The following CELF4 variants were observed in gnomAD, a reference collection of about 807,000 sequenced individuals.
The protein encoded by CELF4 is CUGBP Elav-like family member 4.
In CELF4, 18 loss-of-function variants were observed where a neutral mutation model predicts 59.9. The observed-to-expected ratio is 0.30, with a 90% CI of 0.21 to 0.45. CELF4 has a LOEUF of 0.45. Among genes scored for constraint, CELF4 ranks in the 20% least tolerant of loss-of-function variants. The pLI is 1.00. For synonymous variants in CELF4, 261 were observed against 267.1 expected, an observed-to-expected ratio of 0.98 and a Z score of 0.22; for missense variants, 456 against 689.0, an observed-to-expected ratio of 0.66 and a Z score of 3.79.
At chr18:37,556,473 A>G (rs1448730022) in intron 1 of CELF4, among the ~76,000 whole-genome samples, 1 of 152,134 alleles carries the variant, frequency 6.6e-6, no homozygotes, top group African/African-American at 2.4e-5. Context: ...GTGGCCCTTT[A>G]ACTTTTAGAG....
intron 2 of CELF4, among the ~76,000 whole-genome samples, chr18:37,373,756 T>A (rs1426776180): frequency 6.6e-6 from 1 of 152,190 alleles, no homozygotes; most frequent in South Asian, 2.1e-4. Context: ...AGGGAGGCTG[T>A]CCAGGCAGGG....
rs1484684635 is a variant in CELF4, at chr18:37,244,161, TA to T, written c.*1080del. The T allele has an allele frequency of 4.7e-5, 5 of 105,298 alleles. No individual in the cohort carries two copies. The highest frequency in any genetic ancestry group is 8.2e-5 in the African/African-American group (3 of 36,554). The allele number at this position is 105,298 out of a possible 1,614,324, so 6.5% of individuals were successfully genotyped here. On this transcript the variant is annotated 3_prime_UTR_variant, in exon 13 of 13. Coordinates refer to ENST00000420428, the MANE Select transcript of CELF4 (RefSeq NM_020180.4). ...TCTATAGGTTTTTTTTTTCCTTTTT[TA>T]TTTTTTTTTTTTATTTTTTGCTTTC...
At chr18:37,549,779 A>G (rs1459277737) in intron 1 of CELF4, among the ~76,000 whole-genome samples, 1 of 152,216 alleles carries the variant, frequency 6.6e-6, no homozygotes, top group Admixed American at 6.5e-5. Context: ...GCATGGTTCA[A>G]CTTTAAATGA....
Position 37,368,250 on chromosome 18 carries a change from C to T in CELF4, c.370-46369G>A, listed in dbSNP as rs146158345. 6.6e-5 allele frequency among the ~76,000 whole-genome samples: 10 copies of T among 152,276 alleles called. No individual in the cohort carries two copies. The East Asian group carries it at 1.7e-3, about 26-fold the overall frequency. ...GTGAGGCTTTGGTTTCCTCTGAGCA[C>T]AATGTGGAGGAATCTGCCATCTGAC... On this transcript the variant is annotated intron_variant, in intron 2 of 12. Transcript: ENST00000420428.
At chr18:37,344,683 C>T (rs1299997326) in intron 2 of CELF4, among the ~76,000 whole-genome samples, 1 of 152,216 alleles carries the variant, frequency 6.6e-6, no homozygotes, top group Non-Finnish European at 1.5e-5. Flanking sequence ...TCATGTCTTG[C>T]TATCCATGCA....
Position 37,243,522 on chromosome 18 carries a change from AAT to A in CELF4, c.*1718_*1719del, listed in dbSNP as rs2060988753. 1.3e-5 allele frequency: 2 copies of A among 152,212 alleles called. No individual in the cohort carries two copies. The highest frequency in any genetic ancestry group is 1.3e-4 in the Admixed American group (2 of 15,288). 9.4% of individuals were successfully genotyped at this position (152,212 alleles called of 1,614,324 possible). On this transcript the variant is annotated 3_prime_UTR_variant, in exon 13 of 13. Coordinates refer to ENST00000420428, the MANE Select transcript of CELF4 (RefSeq NM_020180.4). ...TTTTCTGATTCTGAGTTTTTTAAGC[AAT>A]GTCTTTAACTGCTCTAAAGTCATTT... is the stretch of plus-strand genomic sequence containing the variant.
At chr18:37,371,886 G>A (rs727485) in intron 2 of CELF4, among the ~76,000 whole-genome samples, 33,580 of 152,202 alleles carry the variant, frequency 0.22, 3,883 homozygotes, top group East Asian at 0.32. Context: ...ACAAGCCTGG[G>A]AATGCATGCA....
intron 2 of CELF4, among the ~76,000 whole-genome samples, chr18:37,352,647 C>T (rs996096734): frequency 2.6e-5 from 4 of 151,988 alleles, no homozygotes; most frequent in Non-Finnish European, 5.9e-5. Flanking sequence ...CTTTGGATTC[C>T]AGGCAGCCTG....
intron 1 of CELF4, among the ~76,000 whole-genome samples, chr18:37,533,097 G>T (rs1160957818): frequency 6.6e-6 from 1 of 152,256 alleles, no homozygotes; most frequent in Admixed American, 6.5e-5. Flanking sequence ...CCAGCAAGCT[G>T]GCCCAGCCAC....
At chr18:37,544,026 C>T (rs1300458141) in intron 1 of CELF4, among the ~76,000 whole-genome samples, 2 of 152,054 alleles carry the variant, frequency 1.3e-5, no homozygotes, top group African/African-American at 2.4e-5. Flanking sequence ...GAAGAGGGTA[C>T]CCCAGGTGGG....
chr18:37,369,985 G>T (rs922724322), intron 2 of CELF4, among the ~76,000 whole-genome samples: 12 of 152,230 alleles, frequency 7.9e-5, no homozygotes, highest in Admixed American at 5.9e-4. Flanking sequence ...CCTCTGCTGA[G>T]CTGACACTGC....
chr18:37,501,890 T>C (rs1338181367), intron 1 of CELF4, among the ~76,000 whole-genome samples: 1 of 152,210 alleles, frequency 6.6e-6, no homozygotes, highest in South Asian at 2.1e-4. Flanking sequence ...CATTCCTCTC[T>C]TTCTCTCTCC....
At chr18:37,495,066 T>G (rs1386607975) in intron 1 of CELF4, among the ~76,000 whole-genome samples, 2 of 152,184 alleles carry the variant, frequency 1.3e-5, no homozygotes, top group Non-Finnish European at 2.9e-5. Context: ...ATTTGGGGCA[T>G]TTGCTATTCA....
intron 2 of CELF4, among the ~76,000 whole-genome samples, chr18:37,408,724 G>A (rs1297546575): frequency 6.6e-5 from 10 of 152,146 alleles, no homozygotes; most frequent in Non-Finnish European, 1.5e-5. Flanking sequence ...CTGAGAGTCT[G>A]GATTCAGGCT....
chr18:37,516,622 A>C (rs2099950895), intron 1 of CELF4, among the ~76,000 whole-genome samples: 1 of 152,252 alleles, frequency 6.6e-6, no homozygotes, highest in Non-Finnish European at 1.5e-5. Flanking sequence ...AATTTATGGC[A>C]TTATTCCTCA....
At chr18:37,347,515 C>G (rs2154551899) in intron 2 of CELF4, among the ~76,000 whole-genome samples, 1 of 152,266 alleles carries the variant, frequency 6.6e-6, no homozygotes, top group African/African-American at 2.4e-5. Flanking sequence ...CCACTCAGGT[C>G]CCTTCCTACC....
At chr18:37,505,496 G>A (rs1160368284) in intron 1 of CELF4, among the ~76,000 whole-genome samples, 1 of 152,168 alleles carries the variant, frequency 6.6e-6, no homozygotes, top group Non-Finnish European at 1.5e-5. Context: ...TGGGCTTTTG[G>A]GAGCCGAAAC....
intron 3 of CELF4, among the ~76,000 whole-genome samples, chr18:37,298,681 C>T (rs945905972): frequency 6.6e-6 from 1 of 150,588 alleles, no homozygotes; most frequent in African/African-American, 2.5e-5. Context: ...ACTGAGATTG[C>T]GCCATTGCAC....
intron 8 of CELF4, 131 bp downstream of exon 8, chr18:37,270,637 G>A: frequency 7.9e-6 from 9 of 1,132,556 alleles, no homozygotes; most frequent in South Asian, 5.6e-5. Context: ...GGCCCTCTCT[G>A]ATCACACTTG....
Sources: allele counts gnomAD v4.1 joint callset (sites outside exome capture counted in the v4.1 genomes callset), GRCh38; gene constraint gnomAD v4.1.1; transcripts MANE v1.5; gene names NCBI Gene and HGNC (gene_info 2026-07-23, HGNC 2026-07-21).